FHIP1B: variants seen among roughly 807,000 people sequenced by gnomAD.
The protein encoded by FHIP1B is FHF complex subunit HOOK interacting protein 1B.
In FHIP1B, 28 loss-of-function variants were observed where a neutral mutation model predicts 82.2. The observed-to-expected ratio is 0.34, with a 90% CI of 0.25 to 0.47. The LOEUF (loss-of-function observed/expected upper bound fraction) is 0.47, where lower values mean the gene tolerates loss of function less well. Among genes scored for constraint, FHIP1B ranks in the 20% least tolerant of loss-of-function variants. The probability of loss-of-function intolerance (pLI) is 1.00; values close to 1 mark genes in which losing one functional copy is unlikely to be tolerated. For synonymous variants in FHIP1B, 585 were observed against 516.1 expected (o/e 1.13, Z -1.81); for missense variants, 1,110 against 1,262.6 (o/e 0.88, Z 1.83).
At chr11:6,216,814 C>T (rs552467812) in intron 9 of FHIP1B, 46 of 542,592 alleles carry the variant, frequency 8.5e-5, no homozygotes, top group East Asian at 3.7e-4. Flanking sequence ...ACAAGGAAAG[C>T]GAACAGGAAA....
At chr11:6,222,739 T>A (rs1847447794) in intron 5 of FHIP1B, 72 bp downstream of exon 5, 5 of 1,556,736 alleles carry the variant, frequency 3.2e-6, no homozygotes, top group Admixed American at 3.3e-5. Context: ...CACCGCCTCC[T>A]ACGTTAGTCC....
intron 1 of FHIP1B, among the ~76,000 whole-genome samples, chr11:6,231,912 A>G (rs934262149): frequency 2.6e-5 from 4 of 152,200 alleles, no homozygotes; most frequent in African/African-American, 7.2e-5. Context: ...TCGGATGACC[A>G]TGTTTTATTC....
intron 1 of FHIP1B, among the ~76,000 whole-genome samples, chr11:6,230,482 G>T (rs1332573724): frequency 6.6e-6 from 1 of 152,160 alleles, no homozygotes; most frequent in Non-Finnish European, 1.5e-5. Flanking sequence ...CACCTACTAG[G>T]AATTTATACT....
chr11:6,217,877 C>T lies in FHIP1B; in HGVS notation c.1709G>A (p.Arg570His), dbSNP rs200454641. Residue 570 changes from arginine to histidine, a missense_variant, in exon 9 of 12, where the codon CGT (arginine) becomes CAT (histidine). By Grantham distance (29) the Arg-to-His change is conservative. Around this residue, in one of 6 missense-constraint regions of FHIP1B, gnomAD observed 418 missense variants for 371.4 expected, o/e 1.13. Coordinates refer to ENST00000449352, the MANE Select transcript of FHIP1B (RefSeq NM_001098794.2). ...GCCATCATAGGGGGCAGACCAGGTA[C>T]GGCAGGCTCGGACACAGCGGTCCAC... ...RGVDRCVRAC[R>H]TWSAPYDGER... 17 of 1,613,490 alleles carry T rather than the reference C, an allele frequency of 1.1e-5. No homozygotes were observed. The highest frequency in any genetic ancestry group is 3.3e-5 in the South Asian group (3 of 91,084).
At chr11:6,211,956 T>C in intron 11 of FHIP1B, 89 bp from the exon 12 acceptor site, 1 of 1,473,726 alleles carries the variant, frequency 6.8e-7, no homozygotes, top group Non-Finnish European at 8.9e-7. Context: ...CCCTAGGTTC[T>C]TGGACTTCTC....
intron 6 of FHIP1B, among the ~76,000 whole-genome samples, chr11:6,219,568 T>C (rs1415649627): frequency 6.6e-6 from 1 of 152,124 alleles, no homozygotes; most frequent in Admixed American, 6.5e-5. Flanking sequence ...TCTCTAACAC[T>C]AGTGTATCTC....
chr11:6,213,578 C>G (rs1044077040), intron 11 of FHIP1B, among the ~76,000 whole-genome samples: 6 of 152,156 alleles, frequency 3.9e-5, no homozygotes, highest in African/African-American at 1.2e-4. Flanking sequence ...CCCTGAATTC[C>G]CTGTACTAAA....
chr11:6,229,215 G>C (rs192424749), intron 1 of FHIP1B, among the ~76,000 whole-genome samples: 51 of 152,284 alleles, frequency 3.3e-4, no homozygotes, highest in South Asian at 1.0e-3. Flanking sequence ...TCCCTCAATG[G>C]TTTGAATCCC....
Position 6,211,719 on chromosome 11 carries a change from A to G in FHIP1B, c.2706T>C (p.Thr902=). 1 of 1,614,216 alleles carries G rather than the reference A, an allele frequency of 6.2e-7. No homozygotes were observed. ...GLSGGSPGAS[T]PVLLTRGGAP... is the part of the protein sequence containing the mutation. ...CCCCGCCCCGGGTGAGTAGAACTGG[A>G]GTTGAAGCCCCAGGGGAGCCCCCAC... The change falls in exon 12 of 12, where the codon ACT becomes ACC. Residue 902 remains threonine (T), a synonymous_variant. Transcript: ENST00000449352.
In FHIP1B at chr11:6,224,718, G is replaced by A; in HGVS notation, c.-191-11C>T. ...TCCAGATTTCTAAATCTAATTCAGA[G>A]AAGAGATAATGGAAGGGATAAATAG... On this transcript the variant is annotated splice_polypyrimidine_tract_variant and intron_variant, in intron 1 of 11. Coordinates refer to ENST00000449352, the MANE Select transcript of FHIP1B (RefSeq NM_001098794.2). 1.7e-6 allele frequency: 1 copy of A among 576,258 alleles called. No individual in the cohort carries two copies. The highest frequency in any genetic ancestry group is 2.9e-5 in the East Asian group (1 of 34,312). The allele number at this position is 576,258 out of a possible 1,614,324, so 35.7% of individuals were successfully genotyped here. A position where few individuals can be genotyped will look rare whatever the true frequency, so the allele number is the denominator to read the frequency against.
At position 6,222,564 on chromosome 11, in the gene FHIP1B, A is replaced by G; in HGVS notation, c.1069T>C (p.Phe357Leu). ...MIASTAYLEL[F>L]LRSISEPALL... ...GCAGGCTCTGAGATACTCCGTAGGAAAAGTTCCAGATAGGCGGTACTGGCG... is the reference window on the plus strand; with the variant it reads ...GCAGGCTCTGAGATACTCCGTAGGAGAAGTTCCAGATAGGCGGTACTGGCG... Residue 357 changes from phenylalanine (F) to leucine (L), a missense_variant, in exon 6 of 12, where the codon TTC becomes CTC. By Grantham distance (22) the Phe-to-Leu change is conservative. Transcript: ENST00000449352. 1 of 1,614,194 alleles carries G rather than the reference A, an allele frequency of 6.2e-7. No homozygotes were observed. Among genetic ancestry groups the G allele is most frequent in the Non-Finnish European group, 8.5e-7 (1 of 1,180,038 alleles).
intron 1 of FHIP1B, among the ~76,000 whole-genome samples, chr11:6,233,869 G>A (rs1163757398): frequency 6.6e-6 from 1 of 152,160 alleles, no homozygotes; most frequent in Admixed American, 6.5e-5. Flanking sequence ...TCCAGAGAAG[G>A]AACTCGAAGG....
At chr11:6,226,253 A>G (rs1220203705) in intron 1 of FHIP1B, among the ~76,000 whole-genome samples, 1 of 152,232 alleles carries the variant, frequency 6.6e-6, no homozygotes, top group Non-Finnish European at 1.5e-5. Flanking sequence ...AAATTTCTAT[A>G]GAACAGGTGA....
At chr11:6,222,967 C>A in intron 4 of FHIP1B, 70 bp from the exon 5 acceptor site, 3 of 1,582,722 alleles carry the variant, frequency 1.9e-6, no homozygotes, top group Non-Finnish European at 2.6e-6. Context: ...TAGAATAGTA[C>A]ACTACAGAGA....
intron 9 of FHIP1B, 42 bp downstream of exon 9, chr11:6,217,329 C>A (rs755460531): frequency 3.2e-6 from 5 of 1,561,216 alleles, no homozygotes; most frequent in Non-Finnish European, 4.4e-6. Flanking sequence ...CGAGAACATG[C>A]AAAGAGTACA....
intron 1 of FHIP1B, among the ~76,000 whole-genome samples, chr11:6,229,947 A>G (rs547173086): frequency 6.7e-6 from 1 of 149,644 alleles, no homozygotes; most frequent in African/African-American, 2.5e-5. Flanking sequence ...CCACCCTCTC[A>G]TGGTGTCCTT....
rs779895545 is a variant in FHIP1B at position 6,223,143 on chromosome 11, C to G, written c.873G>C (p.Trp291Cys). The change falls in exon 4 of 12, where the codon TGG (tryptophan) becomes TGC (cysteine). Residue 291 changes from tryptophan to cysteine, a missense_variant. Trp to Cys is a radical substitution (Grantham distance 215). This residue lies in a region of FHIP1B where 467 missense variants were observed against 602.9 expected (regional missense o/e 0.77). Transcript: ENST00000449352. The surrounding 1 kb of genome is among the most constrained non-coding windows in gnomAD (Gnocchi z 4.8). ...AGAGTGCAAGGGCTGGCACTCCCAG[C>G]CAGTCTTCCCGTCGCAGACAGTGCC... Reference protein sequence around the residue: ...DDWHCLRREDWLGVPALALFM... With the variant: ...DDWHCLRREDCLGVPALALFM... 6 of 1,607,234 alleles carry G rather than the reference C, an allele frequency of 3.7e-6. No individual in the cohort carries two copies. In the Admixed American group the frequency reaches 1.0e-4, roughly 28 times the overall value.
At chr11:6,230,748 G>A (rs548782693) in intron 1 of FHIP1B, among the ~76,000 whole-genome samples, 3 of 152,318 alleles carry the variant, frequency 2.0e-5, no homozygotes, top group Admixed American at 6.5e-5. Flanking sequence ...TCAAAAAGGA[G>A]GTGAAACTGA....
chr11:6,218,168 AT>A lies in FHIP1B; in HGVS notation c.1436-19del, dbSNP rs749302125. On this transcript the variant is annotated intron_variant, in intron 8 of 11. Transcript: ENST00000449352. Reference sequence around the variant, plus strand: ...TCCAGGACCTGCAAAGGGAAAAAATATAAGAGAAATCAAGGAGACAGAGGTT... The same window carrying A: ...TCCAGGACCTGCAAAGGGAAAAAATAAAGAGAAATCAAGGAGACAGAGGTT... 1 of 1,599,100 alleles carries A rather than the reference AT, an allele frequency of 6.3e-7. No individual in the cohort carries two copies. Among genetic ancestry groups the A allele is most frequent in the African/African-American group, 1.3e-5 (1 of 74,210 alleles).
Sources: gnomAD v4.1 joint callset for allele counts (sites outside exome capture counted in the v4.1 genomes callset) on GRCh38, gnomAD v4.1.1 for gene constraint, gnomAD v4.1.1 regional missense constraint, Gnocchi (gnomAD v3.1) non-coding constraint, MANE v1.5 for transcripts, NCBI Gene and HGNC (gene_info 2026-07-23, HGNC 2026-07-21) for gene names.